CCDC88C: variants seen among roughly 807,000 people sequenced by gnomAD.
The protein encoded by CCDC88C is coiled-coil and HOOK domain protein 88C.
CCDC88C carries 131 observed loss-of-function variants against 198.8 expected under a neutral mutation model. The ratio of observed to expected loss-of-function variants is 0.66; its 90% CI spans 0.57 to 0.76. The LOEUF (loss-of-function observed/expected upper bound fraction) is 0.76, where lower values mean the gene tolerates loss of function less well. Ranked by LOEUF, CCDC88C falls within the 30% of genes least tolerant of loss-of-function variation. CCDC88C has a pLI of 0.00. For missense variants in CCDC88C, 2,553 were observed against 2,631.6 expected, an observed-to-expected ratio of 0.97 and a Z score of 0.65; for synonymous variants, 1,166 against 1,114.7, an observed-to-expected ratio of 1.05 and a Z score of -0.92.
rs893799768 is a variant in CCDC88C at position 91,297,632 on chromosome 14, T to C, written c.3780-141A>G. The C allele has an allele frequency of 4.5e-5, 36 of 799,320 alleles. No homozygotes were observed. In the African/African-American group the frequency reaches 5.6e-4, roughly 12 times the overall value. 49.5% of individuals were successfully genotyped at this position (799,320 alleles called of 1,614,324 possible). On this transcript the variant is annotated intron_variant, in intron 21 of 29. Coordinates refer to ENST00000389857, the MANE Select transcript of CCDC88C (RefSeq NM_001080414.4). The stretch of plus-strand genomic sequence containing the variant: ...AAAATCACAACCTCTCTGGGCTTTT[T>C]TTTTTTTCCATGCATAAAATAAGGA...
Position 91,281,458 on chromosome 14 carries a change from G to A in CCDC88C, c.4698C>T (p.Tyr1566=), listed in dbSNP as rs775434901. The A allele has an allele frequency of 1.7e-5, 27 of 1,613,706 alleles. No individual in the cohort carries two copies. The highest frequency in any genetic ancestry group is 7.7e-5 in the South Asian group (7 of 91,080). The change falls in exon 27 of 30, where the codon TAC becomes TAT. Residue 1566 remains tyrosine, a splice_region_variant and synonymous_variant. Transcript: ENST00000389857. ...GGACACAGCACCCTCCCTACTCACCGTACTGCCTGTGGTTGGGGACCTCAA... is the reference window on the plus strand; with the variant it reads ...GGACACAGCACCCTCCCTACTCACCATACTGCCTGTGGTTGGGGACCTCAA... ...LEFEVPNHRQ[Y]VSRPSSLESS...
At chr14:91,277,782 T>C in intron 29 of CCDC88C, 140 bp downstream of exon 29, 1 of 931,204 alleles carries the variant, frequency 1.1e-6, no homozygotes, top group Non-Finnish European at 1.5e-6. Context: ...GCTAGTGCTC[T>C]AGTCAGCCTC....
At chr14:91,384,326 A>C in intron 3 of CCDC88C, 1 of 365,882 alleles carries the variant, frequency 2.7e-6, no homozygotes, top group Non-Finnish European at 5.4e-6. Context: ...CAAAAACAAA[A>C]ACAAGCAAAC....
chr14:91,330,629 G>A (rs764498313), intron 10 of CCDC88C, among the ~76,000 whole-genome samples: 4 of 152,292 alleles, frequency 2.6e-5, no homozygotes, highest in Non-Finnish European at 5.9e-5. Flanking sequence ...TGGGACGAGG[G>A]GATGGGGAGG....
chr14:91,338,306 A>G lies in CCDC88C; in HGVS notation c.892-143T>C. On this transcript the variant is annotated intron_variant, in intron 9 of 29. Transcript: ENST00000389857. The surrounding 1 kb of genome is among the most constrained non-coding windows in gnomAD (Gnocchi z 4.8). ...TGGCCGGGGGCCTCCATGTGCCACCACCACACGGGATCTCCACCTGCTGTC... is the reference window on the plus strand; with the variant it reads ...TGGCCGGGGGCCTCCATGTGCCACCGCCACACGGGATCTCCACCTGCTGTC... 9.5e-7 allele frequency: 1 copy of G among 1,052,138 alleles called. No individual in the cohort carries two copies. Among genetic ancestry groups the G allele is most frequent in the Non-Finnish European group, 1.4e-6 (1 of 720,924 alleles). The allele number at this position is 1,052,138 out of a possible 1,614,324, so 65.2% of individuals were successfully genotyped here.
At chr14:91,365,168 T>TCCCTCACCCCTCACCCCTCAC (rs58915053) in intron 3 of CCDC88C, among the ~76,000 whole-genome samples, 4 of 149,364 alleles carry the variant, frequency 2.7e-5, no homozygotes, top group Admixed American at 2.0e-4. Flanking sequence ...CTCCTCCAAC[T>TCCCTCACCCCTCACCCCTCAC]CCCTCACCCC....
intron 15 of CCDC88C, among the ~76,000 whole-genome samples, chr14:91,312,753 A>C (rs1005895383): frequency 7.2e-5 from 11 of 152,342 alleles, no homozygotes; most frequent in African/African-American, 2.6e-4. Context: ...GTGGCTTTGA[A>C]ATCTAAAATA....
intron 5 of CCDC88C, 146 bp downstream of exon 5, chr14:91,343,453 T>C (rs1164297031): frequency 7.1e-7 from 1 of 1,416,778 alleles, no homozygotes; most frequent in Non-Finnish European, 9.3e-7. Context: ...CAATGGCCAC[T>C]CTCTTCCAGG....
At chr14:91,356,310 C>G (rs1296378041) in intron 4 of CCDC88C, among the ~76,000 whole-genome samples, 2 of 152,216 alleles carry the variant, frequency 1.3e-5, no homozygotes, top group Admixed American at 6.5e-5. Flanking sequence ...TCCCCGTCCC[C>G]CAGCCCTGAC....
intron 3 of CCDC88C, among the ~76,000 whole-genome samples, chr14:91,372,192 C>T (rs2139930248): frequency 6.6e-6 from 1 of 152,114 alleles, no homozygotes; most frequent in South Asian, 2.1e-4. Flanking sequence ...TGATGGCATG[C>T]CAGTTGGGAG....
At chr14:91,320,726 T>A (rs918516157) in intron 13 of CCDC88C, among the ~76,000 whole-genome samples, 2 of 152,156 alleles carry the variant, frequency 1.3e-5, no homozygotes, top group Admixed American at 6.5e-5. Context: ...GAGAACTGCT[T>A]GATATGGGGA....
rs989547499 is a variant in CCDC88C at position 91,359,515 on chromosome 14, A to T, written c.340+127T>A. ...TAATGAACCCACTCTTTAAAATCTCACCAAAACGATCACGTGTTTTCACTG... is the reference window on the plus strand; with the variant it reads ...TAATGAACCCACTCTTTAAAATCTCTCCAAAACGATCACGTGTTTTCACTG... On this transcript the variant is annotated intron_variant, in intron 4 of 29. Transcript: ENST00000389857. 5.6e-5 allele frequency: 40 copies of T among 717,998 alleles called. No homozygotes were observed. In the African/African-American group the frequency reaches 6.8e-4, roughly 12 times the overall value. 44.5% of individuals were successfully genotyped at this position (717,998 alleles called of 1,614,324 possible). A position where few individuals can be genotyped will look rare whatever the true frequency, so the allele number is the denominator to read the frequency against.
intron 12 of CCDC88C, among the ~76,000 whole-genome samples, chr14:91,323,984 T>A (rs921737492): frequency 6.6e-6 from 1 of 151,842 alleles, no homozygotes. Context: ...TGCTTAGATG[T>A]CTATCAGAAT....
At chr14:91,415,688 C>T (rs999363357) in intron 2 of CCDC88C, among the ~76,000 whole-genome samples, 2 of 151,816 alleles carry the variant, frequency 1.3e-5, no homozygotes, top group Non-Finnish European at 1.5e-5. Context: ...CCATTGCACT[C>T]CAGCCTGGGC....
chr14:91,355,518 G>C (rs1264432039), intron 4 of CCDC88C, among the ~76,000 whole-genome samples: 1 of 152,176 alleles, frequency 6.6e-6, no homozygotes, highest in Non-Finnish European at 1.5e-5. Context: ...GTGCAGCTGA[G>C]AGTGAGCTGC....
intron 4 of CCDC88C, among the ~76,000 whole-genome samples, chr14:91,345,737 T>C (rs1252013831): frequency 1.3e-5 from 2 of 152,136 alleles, no homozygotes; most frequent in Admixed American, 6.6e-5. Flanking sequence ...TCTTTGATTG[T>C]GCTTGGGGCT....
chr14:91,272,890 G>A lies in CCDC88C; in HGVS notation c.5822C>T (p.Pro1941Leu). 6.3e-7 allele frequency: 1 copy of A among 1,587,758 alleles called. No homozygotes were observed. The highest frequency in any genetic ancestry group is 8.5e-7 in the Non-Finnish European group (1 of 1,170,798). ...CTCCCCTGAGCGTGGGGGCGCCTTG[G>A]GCTTGGTCCTGGCAGCCGGGGCTGC... is the stretch of plus-strand genomic sequence containing the variant. Reference protein sequence around the residue: ...PAAAPAARTKPKAPPRSGEVA... With the variant: ...PAAAPAARTKLKAPPRSGEVA... The change falls in exon 30 of 30, where the codon CCC becomes CTC. Residue 1941 changes from proline to leucine, a missense_variant. This residue lies in a region of CCDC88C where 1,293 missense variants were observed against 1,219.6 expected (regional missense o/e 1.06). Coordinates refer to ENST00000389857, the MANE Select transcript of CCDC88C (RefSeq NM_001080414.4).
At chr14:91,370,567 G>A (rs1319609083) in intron 3 of CCDC88C, among the ~76,000 whole-genome samples, 5 of 152,170 alleles carry the variant, frequency 3.3e-5, no homozygotes, top group Non-Finnish European at 7.4e-5. Context: ...CCAGAAACAC[G>A]GGCAGGACAC....
Position 91,312,990 on chromosome 14 carries a change from G to C in CCDC88C, c.2736+90C>G, listed in dbSNP as rs529358403. The C allele has an allele frequency of 4.8e-5, 47 of 972,324 alleles. No individual in the cohort carries two copies. The East Asian group carries it at 1.1e-3, about 23-fold the overall frequency. The allele number at this position is 972,324 out of a possible 1,614,324, so 60.2% of individuals were successfully genotyped here. A position where few individuals can be genotyped will look rare whatever the true frequency, so the allele number is the denominator to read the frequency against. Reference sequence around the variant, plus strand: ...AGATAAAGCATTTAAGGAGGACACAGAGTCTTATTTCTCTCCTGAAACCAT... The same window carrying C: ...AGATAAAGCATTTAAGGAGGACACACAGTCTTATTTCTCTCCTGAAACCAT... On this transcript the variant is annotated intron_variant, in intron 15 of 29. Coordinates refer to ENST00000389857, the MANE Select transcript of CCDC88C (RefSeq NM_001080414.4).
Sources: gnomAD v4.1 joint callset for allele counts (sites outside exome capture counted in the v4.1 genomes callset) on GRCh38, gnomAD v4.1.1 for gene constraint, gnomAD v4.1.1 regional missense constraint, Gnocchi (gnomAD v3.1) non-coding constraint, MANE v1.5 for transcripts, NCBI Gene and HGNC (gene_info 2026-07-23, HGNC 2026-07-21) for gene names.